The following ATP10A variants were observed in gnomAD, a reference collection of about 807,000 sequenced individuals.
ATP10A encodes ATPase phospholipid transporting 10A (putative), also known as phospholipid-transporting ATPase VA.
A neutral mutation model predicts 147.8 loss-of-function variants in ATP10A; 111 were observed. The observed-to-expected ratio is 0.75, with a 90% CI of 0.64 to 0.88. ATP10A has a LOEUF of 0.88. Ranked by LOEUF, ATP10A falls within the 40% of genes least tolerant of loss-of-function variation. ATP10A has a pLI of 0.00. For missense variants in ATP10A, 1,927 were observed against 1,959.0 expected, an observed-to-expected ratio of 0.98 and a Z score of 0.31; for synonymous variants, 875 against 841.6, an observed-to-expected ratio of 1.04 and a Z score of -0.69.
intron 4 of ATP10A, among the ~76,000 whole-genome samples, chr15:25,726,286 C>T (rs72703775): frequency 0.026 from 4,021 of 152,230 alleles, 72 homozygotes; most frequent in Middle Eastern, 0.041. Context: ...TAATCTTATA[C>T]ATATATAATG....
In ATP10A at chr15:25,703,137, C is replaced by T. The variant is rs1900771016; in HGVS notation, c.2576-1037G>A. Among the ~76,000 whole-genome samples the T allele has an allele frequency of 2.0e-5, 3 of 152,260 alleles. No homozygotes were observed. In the South Asian group the frequency reaches 6.2e-4, roughly 32 times the overall value. On this transcript the variant is annotated intron_variant, in intron 12 of 20. Coordinates refer to ENST00000555815, the MANE Select transcript of ATP10A (RefSeq NM_024490.4). ...CTTCGGGAGGCCGTGGCGGGCGGGT[C>T]ACTTGAGGTCAGGAGTTCCAGACCA...
intron 1 of ATP10A, among the ~76,000 whole-genome samples, chr15:25,816,739 T>G (rs1891670431): frequency 6.6e-6 from 1 of 152,174 alleles, no homozygotes; most frequent in Non-Finnish European, 1.5e-5. Flanking sequence ...AATTTTTTTG[T>G]CTTAGTCACA....
intron 1 of ATP10A, among the ~76,000 whole-genome samples, chr15:25,807,635 T>C (rs1259780364): frequency 6.6e-6 from 1 of 152,060 alleles, no homozygotes; most frequent in Non-Finnish European, 1.5e-5. Flanking sequence ...AAACCCCGCC[T>C]CTATGAAAAA....
chr15:25,805,592 T>A (rs2140798091), intron 1 of ATP10A, among the ~76,000 whole-genome samples: 1 of 152,270 alleles, frequency 6.6e-6, no homozygotes, highest in South Asian at 2.1e-4. Context: ...CAAACGCAGG[T>A]CTCATTCCTC....
chr15:25,689,343 C>A (rs941254798), intron 15 of ATP10A, among the ~76,000 whole-genome samples: 1 of 152,206 alleles, frequency 6.6e-6, no homozygotes, highest in Non-Finnish European at 1.5e-5. Context: ...ATAGGGTGAA[C>A]CAGATGAGCC....
chr15:25,683,219 C>T (rs1412462710), intron 17 of ATP10A, 67 bp downstream of exon 17: 3 of 1,493,926 alleles, frequency 2.0e-6, no homozygotes, highest in Non-Finnish European at 2.8e-6. Flanking sequence ...GGGACTGGCA[C>T]TTTGGAAGAG....
upstream of ATP10A, among the ~76,000 whole-genome samples, chr15:25,864,266 G>A (rs573641905): frequency 8.5e-4 from 129 of 152,298 alleles, no homozygotes; most frequent in African/African-American, 2.9e-3. Flanking sequence ...AAAAGGAGCT[G>A]GGAGTCCCCC....
chr15:25,679,895 TG>T lies in ATP10A; in HGVS notation c.3945del (p.Arg1316GlyfsTer60). On this transcript the variant is annotated frameshift_variant, in exon 21 of 21. Coordinates refer to ENST00000555815, the MANE Select transcript of ATP10A (RefSeq NM_024490.4). LOFTEE classifies it high-confidence loss of function. Reference protein sequence around the residue: ...QLARQLTRKSPRRCSAPKETF... With the variant: ...QLARQLTRKSXRRCSAPKETF... ...GTCTCTTTGGGAGCACTGCATCTCC[TG>T]GGGGACTTCCTGGTCAACTGACGTG... 1 of 1,610,326 alleles carries T rather than the reference TG, an allele frequency of 6.2e-7. No homozygotes were observed.
intron 1 of ATP10A, among the ~76,000 whole-genome samples, chr15:25,815,343 C>T (rs962451766): frequency 1.3e-5 from 2 of 152,132 alleles, no homozygotes; most frequent in Admixed American, 6.5e-5. Context: ...AGGCTGCTCA[C>T]ACACTCTAAG....
intron 2 of ATP10A, among the ~76,000 whole-genome samples, chr15:25,750,497 T>A (rs919129815): frequency 6.6e-6 from 1 of 152,082 alleles, no homozygotes; most frequent in African/African-American, 2.4e-5. Context: ...GAAATTTGGA[T>A]CTACACAAAA....
At chr15:25,824,562 T>C (rs1205572685) in intron 1 of ATP10A, among the ~76,000 whole-genome samples, 1 of 28,222 alleles carries the variant, frequency 3.5e-5, no homozygotes, top group African/African-American at 5.0e-5. Context: ...TGTGTGTGTT[T>C]TTTTTTTTTT....
intron 2 of ATP10A, among the ~76,000 whole-genome samples, chr15:25,754,259 G>A (rs377001177): frequency 1.3e-5 from 2 of 152,064 alleles, no homozygotes; most frequent in Non-Finnish European, 2.9e-5. Flanking sequence ...TCAGCCTCCC[G>A]AGTAGCTGGG....
intron 1 of ATP10A, among the ~76,000 whole-genome samples, chr15:25,800,239 T>C (rs1230323737): frequency 1.3e-5 from 2 of 152,178 alleles, no homozygotes; most frequent in African/African-American, 4.8e-5. Flanking sequence ...AGAATCGGCA[T>C]TGCTGAGTTT....
chr15:25,822,577 C>T lies in ATP10A; in HGVS notation c.449+40071G>A, dbSNP rs113671149. Among the ~76,000 whole-genome samples, 84 of 152,122 alleles carry T rather than the reference C, an allele frequency of 5.5e-4. 1 individual carries two copies. The highest frequency in any genetic ancestry group is 2.9e-4 in the Non-Finnish European group (20 of 68,024). ...ACAGAGGAGCACAAGGCCTAAGTGT[C>T]GCACCCAAATTGACACAATGAGCTT... On this transcript the variant is annotated intron_variant, in intron 1 of 20. Transcript: ENST00000555815.
At chr15:25,699,793 G>T (rs1900562408) in intron 13 of ATP10A, among the ~76,000 whole-genome samples, 1 of 152,132 alleles carries the variant, frequency 6.6e-6, no homozygotes, top group South Asian at 2.1e-4. Context: ...CCTTGAGCCT[G>T]GGAGGTTGAG....
At chr15:25,786,275 C>T (rs1447398264) in intron 1 of ATP10A, among the ~76,000 whole-genome samples, 1 of 152,196 alleles carries the variant, frequency 6.6e-6, no homozygotes, top group East Asian at 1.9e-4. Context: ...CACAGGTCTG[C>T]CTCCACACCT....
At chr15:25,672,424 T>C (rs1899063333), downstream of ATP10A, among the ~76,000 whole-genome samples, 1 of 152,246 alleles carries the variant, frequency 6.6e-6, no homozygotes, top group African/African-American at 2.4e-5. Flanking sequence ...TGTTGGCTAT[T>C]GTGCAGAATG....
At chr15:25,814,383 A>T (rs1180517897) in intron 1 of ATP10A, among the ~76,000 whole-genome samples, 3 of 152,228 alleles carry the variant, frequency 2.0e-5, no homozygotes, top group Admixed American at 6.5e-5. Flanking sequence ...ATGTTCAACG[A>T]AGTCCTTCAG....
intron 15 of ATP10A, among the ~76,000 whole-genome samples, chr15:25,690,240 T>TAA (rs35580193): frequency 1.8e-4 from 17 of 94,040 alleles, no homozygotes; most frequent in African/African-American, 4.3e-4. Flanking sequence ...TCCTTTTTTT[T>TAA]AAAAAAAAAA....
Sources: gnomAD v4.1 joint callset for allele counts (sites outside exome capture counted in the v4.1 genomes callset) on GRCh38, gnomAD v4.1.1 for gene constraint, MANE v1.5 for transcripts, NCBI Gene and HGNC (gene_info 2026-07-23, HGNC 2026-07-21) for gene names.